Variants in SEZ6L2 observed in about 807,000 individuals in gnomAD.
SEZ6L2 encodes seizure related 6 homolog like 2.
A neutral mutation model predicts 97.0 loss-of-function variants in SEZ6L2; 44 were observed. The ratio of observed to expected loss-of-function variants is 0.45; its 90% CI spans 0.36 to 0.58. The LOEUF is 0.58. Among genes scored for constraint, SEZ6L2 ranks in the 20% least tolerant of loss-of-function variants. The pLI, the probability that SEZ6L2 is intolerant of heterozygous loss-of-function variation, is 0.00. For synonymous variants in SEZ6L2, 543 were observed against 546.1 expected (o/e 0.99, Z 0.08); for missense variants, 1,086 against 1,233.3 (o/e 0.88, Z 1.79).
chr16:29,883,333 G>T (rs945625339), intron 8 of SEZ6L2, among the ~76,000 whole-genome samples: 2 of 151,552 alleles, frequency 1.3e-5, no homozygotes, highest in East Asian at 1.9e-4. Context: ...TTTTGACAGG[G>T]TCTTGCTCTG....
At chr16:29,895,583 T>C in intron 4 of SEZ6L2, 123 bp from the exon 5 acceptor site, 1 of 1,415,828 alleles carries the variant, frequency 7.1e-7, no homozygotes, top group South Asian at 1.4e-5. Context: ...CTGCCCAAGT[T>C]GTAGAAATCT....
chr16:29,885,849 C>T, intron 7 of SEZ6L2, 100 bp from the exon 8 acceptor site: 1 of 1,200,080 alleles, frequency 8.3e-7, no homozygotes, highest in Non-Finnish European at 1.2e-6. Flanking sequence ...GTTATCATCA[C>T]ACATAACTAT....
chr16:29,889,614 CTTTTTTTTT>C (rs869108927), intron 5 of SEZ6L2, among the ~76,000 whole-genome samples: 35 of 70,568 alleles, frequency 5.0e-4, no homozygotes, highest in African/African-American at 6.9e-4. Context: ...CTTGAAACTT[CTTTTTTTTT>C]TTTTTTTTTT....
At chr16:29,874,442 AC>A (rs1202621934) in intron 12 of SEZ6L2, among the ~76,000 whole-genome samples, 3 of 150,778 alleles carry the variant, frequency 2.0e-5, no homozygotes, top group African/African-American at 7.3e-5. Flanking sequence ...TGAGTTTACA[AC>A]CCTGTTGTGA....
rs778934804 is a variant in SEZ6L2, at chr16:29,872,535, G to A, written c.2528-9C>T. 6.2e-7 allele frequency: 1 copy of A among 1,613,412 alleles called. No homozygotes were observed. Among genetic ancestry groups the A allele is most frequent in the Admixed American group, 1.7e-5 (1 of 60,014 alleles). On this transcript the variant is annotated splice_polypyrimidine_tract_variant and intron_variant, in intron 15 of 17. Transcript: ENST00000617533. ...ATCTGTGGTCTGGGTCACTACAGGA[G>A]GAGGAGAGGCCGGTGAGCTGTGGCT...
chr16:29,878,537 T>G (rs764612084), intron 9 of SEZ6L2, 112 bp from the exon 10 acceptor site: 15 of 744,258 alleles, frequency 2.0e-5, no homozygotes, highest in Non-Finnish European at 2.9e-5. Context: ...TTGTTTCCTA[T>G]TACCTATGAT....
Position 29,897,089 on chromosome 16 carries a change from G to A in SEZ6L2, c.244C>T (p.Pro82Ser). 3 of 1,581,548 alleles carry A rather than the reference G, an allele frequency of 1.9e-6. No homozygotes were observed. The highest frequency in any genetic ancestry group is 2.6e-6 in the Non-Finnish European group (3 of 1,171,468). Residue 82 changes from proline (P) to serine (S), a missense_variant, in exon 3 of 18, where the codon CCG becomes TCG. Pro to Ser is a moderately conservative substitution (Grantham distance 74). This residue lies in a region of SEZ6L2 where 776 missense variants were observed against 794.7 expected (regional missense o/e 0.98). Transcript: ENST00000617533. ...GGCACTGCGAGAGTCTGGCCGGCCGGAGGGGTGGCTAGCGTGGGGTCCCGA... is the reference window on the plus strand; with the variant it reads ...GGCACTGCGAGAGTCTGGCCGGCCGAAGGGGTGGCTAGCGTGGGGTCCCGA... Reference protein sequence around the residue: ...SDRDPTLATPPAGQTLAVPSL... With the variant: ...SDRDPTLATPSAGQTLAVPSL...
At chr16:29,875,028 C>T (rs1245213478) in intron 12 of SEZ6L2, among the ~76,000 whole-genome samples, 3 of 152,088 alleles carry the variant, frequency 2.0e-5, no homozygotes, top group Admixed American at 6.6e-5. Context: ...GCATATACCA[C>T]CATGCCTGGC....
intron 2 of SEZ6L2, among the ~76,000 whole-genome samples, chr16:29,897,457 G>A (rs1013450249): frequency 2.6e-5 from 4 of 151,208 alleles, no homozygotes; most frequent in Admixed American, 6.6e-5. Context: ...ATTCTCTCTC[G>A]AACTCTTTAT....
Position 29,897,067 on chromosome 16 carries a change from A to G in SEZ6L2, c.266T>C (p.Val89Ala). ...CTCAGTGGCCCGTGGCAGGGAGGGCACTGCGAGAGTCTGGCCGGCCGGAGG... is the reference window on the plus strand; with the variant it reads ...CTCAGTGGCCCGTGGCAGGGAGGGCGCTGCGAGAGTCTGGCCGGCCGGAGG... ...ATPPAGQTLAVPSLPRATEPG... is the reference protein window; with the variant it reads ...ATPPAGQTLAAPSLPRATEPG... Residue 89 changes from valine to alanine, a missense_variant, in exon 3 of 18, where the codon GTG becomes GCG. Around this residue, in one of 2 missense-constraint regions of SEZ6L2, gnomAD observed 776 missense variants for 794.7 expected, o/e 0.98. Transcript: ENST00000617533. 1 of 1,581,346 alleles carries G rather than the reference A, an allele frequency of 6.3e-7. No individual in the cohort carries two copies. Among genetic ancestry groups the G allele is most frequent in the Non-Finnish European group, 8.5e-7 (1 of 1,171,576 alleles).
chr16:29,898,109 G>A (rs2150821018), intron 1 of SEZ6L2, 125 bp from the exon 2 acceptor site: 1 of 1,409,378 alleles, frequency 7.1e-7, no homozygotes, highest in South Asian at 1.3e-5. Context: ...GATGGTCCCA[G>A]GCTCGACTGA....
chr16:29,897,161 C>T (rs1324386410), intron 2 of SEZ6L2, 40 bp from the exon 3 acceptor site: 1 of 1,463,068 alleles, frequency 6.8e-7, no homozygotes, highest in Admixed American at 2.2e-5. Flanking sequence ...AGGAGGAGCA[C>T]ATGGAGGACC....
rs1054338984 is a variant in SEZ6L2, at chr16:29,895,951, A to G, written c.512-91T>C. ...TCTGGCCTTCATCTCCCTTCTCCTT[A>G]GCACTTCTCATCATCTTTTTGTTTT... On this transcript the variant is annotated intron_variant, in intron 3 of 17. Transcript: ENST00000617533. The G allele has an allele frequency of 1.3e-5, 18 of 1,333,488 alleles. No homozygotes were observed. In the African/African-American group the frequency reaches 2.3e-4, roughly 17 times the overall value. 82.6% of individuals were successfully genotyped at this position (1,333,488 alleles called of 1,614,324 possible). A position where few individuals can be genotyped will look rare whatever the true frequency, so the allele number is the denominator to read the frequency against.
intron 3 of SEZ6L2, among the ~76,000 whole-genome samples, chr16:29,896,400 C>T (rs1331142040): frequency 6.6e-6 from 1 of 152,174 alleles, no homozygotes; most frequent in Non-Finnish European, 1.5e-5. Flanking sequence ...CTGCCTCAGC[C>T]TTCTGAGTAG....
chr16:29,874,807 G>A (rs1399334367), intron 12 of SEZ6L2, among the ~76,000 whole-genome samples: 1 of 151,940 alleles, frequency 6.6e-6, no homozygotes, highest in Non-Finnish European at 1.5e-5. Flanking sequence ...CTGACCTCAG[G>A]TGATCCACCC....
At chr16:29,875,480 G>A (rs1432464214) in intron 12 of SEZ6L2, among the ~76,000 whole-genome samples, 9 of 152,018 alleles carry the variant, frequency 5.9e-5, no homozygotes, top group East Asian at 1.9e-4. Context: ...TTCCAGGGGC[G>A]GGAAGCTTTG....
intron 5 of SEZ6L2, among the ~76,000 whole-genome samples, chr16:29,893,414 A>C (rs2068312719): frequency 6.6e-6 from 1 of 152,124 alleles, no homozygotes. Context: ...TGGGAGGCCA[A>C]GGCGGGTGGA....
At position 29,872,497 on chromosome 16, in the gene SEZ6L2, G is replaced by T. The variant is rs148860957; in HGVS notation, c.2557C>A (p.Leu853Met). ...VTQTTDPSRQ[L>M]EGGNLALAIL... ...GCCAGGGCCAGGTTCCCCCCTTCCA[G>T]CTGCCGTGATGGATCTGTGGTCTGG... Residue 853 changes from leucine to methionine, a missense_variant, in exon 16 of 18, where the codon CTG becomes ATG. Coordinates refer to ENST00000617533, the MANE Select transcript of SEZ6L2 (RefSeq NM_001243332.2). The T allele has an allele frequency of 1.2e-6, 2 of 1,614,206 alleles. No homozygotes were observed. The highest frequency in any genetic ancestry group is 2.2e-5 in the South Asian group (2 of 91,092).
chr16:29,873,111 C>G lies in SEZ6L2; in HGVS notation c.2488+129G>C. ...GCTTCTGGACACACCCGTGAGGACA[C>G]GAGGCCACAGGAGGAGAACCGGGAG... On this transcript the variant is annotated intron_variant, in intron 14 of 17. Coordinates refer to ENST00000617533, the MANE Select transcript of SEZ6L2 (RefSeq NM_001243332.2). The surrounding 1 kb of genome is among the most constrained non-coding windows in gnomAD (Gnocchi z 4.3). 9.3e-7 allele frequency: 1 copy of G among 1,072,630 alleles called. No individual in the cohort carries two copies. Among genetic ancestry groups the G allele is most frequent in the Non-Finnish European group, 1.3e-6 (1 of 748,520 alleles). 66.4% of individuals were successfully genotyped at this position (1,072,630 alleles called of 1,614,324 possible).
Sources: allele counts gnomAD v4.1 joint callset (sites outside exome capture counted in the v4.1 genomes callset), GRCh38; gene constraint gnomAD v4.1.1; regional missense constraint gnomAD v4.1.1; non-coding constraint Gnocchi (gnomAD v3.1); transcripts MANE v1.5; gene names NCBI Gene and HGNC (gene_info 2026-07-23, HGNC 2026-07-21).